The following ABCC2 variants were observed in gnomAD, a reference collection of about 807,000 sequenced individuals.
ABCC2 encodes ATP binding cassette subfamily C member 2, also known as ATP-binding cassette sub-family C member 2.
In ABCC2, 157 loss-of-function variants were observed where a neutral mutation model predicts 173.4. The observed-to-expected ratio is 0.91, with a 90% confidence interval of 0.80 to 1.03. The LOEUF (loss-of-function observed/expected upper bound fraction) is 1.03. ABCC2 is among the 50% of genes least tolerant of loss of function. The pLI is 0.00. For missense variants in ABCC2, 1,822 were observed against 1,852.3 expected, an observed-to-expected ratio of 0.98 and a Z score of 0.30; for synonymous variants, 657 against 693.5, an observed-to-expected ratio of 0.95 and a Z score of 0.83.
intron 19 of ABCC2, among the ~76,000 whole-genome samples, chr10:99,829,063 A>C (rs967731545): frequency 6.6e-6 from 1 of 152,078 alleles, no homozygotes; most frequent in African/African-American, 2.4e-5. Flanking sequence ...CACCTCAGGC[A>C]GCTGCTGTGA....
intron 11 of ABCC2, among the ~76,000 whole-genome samples, chr10:99,806,065 C>CTG: frequency 1.0e-5 from 1 of 96,282 alleles, no homozygotes; most frequent in South Asian, 4.3e-4. Flanking sequence ...ACTACAGTCT[C>CTG]TCTCTCTCTG....
intron 16 of ABCC2, among the ~76,000 whole-genome samples, chr10:99,813,999 C>G (rs1405414746): frequency 6.6e-6 from 1 of 151,592 alleles, no homozygotes; most frequent in Non-Finnish European, 1.5e-5. Context: ...AGAGCTAAAT[C>G]TTTGATGGCA....
intron 3 of ABCC2, 99 bp from the exon 4 acceptor site, chr10:99,793,452 C>T: frequency 6.4e-7 from 1 of 1,555,278 alleles, no homozygotes; most frequent in Non-Finnish European, 8.9e-7. Flanking sequence ...AGTCTCCTCC[C>T]TCAGCCCTCC....
rs17216324 is a variant in ABCC2, at chr10:99,836,237, G to A, written c.3561G>A (p.Glu1187=). 159 of 1,614,204 alleles carry A rather than the reference G, an allele frequency of 9.9e-5. 1 individual carries two copies. In the African/African-American group the frequency reaches 1.8e-3, roughly 18 times the overall value. ...AGCAGCGATTTCTGAAACACAATGA[G>A]GTGAGGATTGACACCAACCAGAAAT... ...EHQQRFLKHN[E]VRIDTNQKCV... The change falls in exon 25 of 32, where the codon GAG becomes GAA. Residue 1187 remains glutamate, a synonymous_variant. Transcript: ENST00000647814.
chr10:99,806,073 C>CTG (rs1554849150), intron 11 of ABCC2, among the ~76,000 whole-genome samples: 14 of 42,910 alleles, frequency 3.3e-4, no homozygotes, highest in African/African-American at 1.4e-3. Context: ...CTCTCTCTCT[C>CTG]TGTCTGTGTG....
intron 17 of ABCC2, 79 bp downstream of exon 17, chr10:99,817,563 CAG>C: frequency 6.9e-7 from 1 of 1,456,730 alleles, no homozygotes; most frequent in Non-Finnish European, 9.6e-7. Context: ...AAGAACTACA[CAG>C]GGGTAATCTA....
At position 99,793,634 on chromosome 10, in the gene ABCC2, G is replaced by A. The variant is rs145350474; in HGVS notation, c.417G>A (p.Ser139=). The change falls in exon 4 of 32, where the codon TCG becomes TCA. Residue 139 remains serine, a synonymous_variant. Transcript: ENST00000647814. ...TCCTGTCCCTATTCTGGATTCTCTC[G>A]ATACTCTGTGGCACTTTCCAATTTC... is the stretch of plus-strand genomic sequence containing the variant. The part of the protein sequence containing the change: ...SWFLSLFWIL[S]ILCGTFQFQT... 2.2e-5 allele frequency: 35 copies of A among 1,613,826 alleles called. No individual in the cohort carries two copies. The highest frequency in any genetic ancestry group is 2.4e-5 in the Non-Finnish European group (28 of 1,179,998).
chr10:99,822,089 C>T (rs1226580370), intron 19 of ABCC2, among the ~76,000 whole-genome samples: 5 of 152,172 alleles, frequency 3.3e-5, no homozygotes, highest in Non-Finnish European at 7.3e-5. Context: ...GGTACCCATA[C>T]GCTATCATTA....
chr10:99,804,177 G>C lies in ABCC2; in HGVS notation c.1368G>C (p.Trp456Cys). The C allele has an allele frequency of 1.2e-6, 2 of 1,614,114 alleles. No individual in the cohort carries two copies. The highest frequency in any genetic ancestry group is 1.7e-6 in the Non-Finnish European group (2 of 1,180,014). ...LQIVLSIFFL[W>C]RELGPSVLAG... Reference sequence around the variant, plus strand: ...TTGTCTTATCTATCTTCTTCCTATGGAGAGAGTTGGGACCCTCAGTCTTAG... The same window carrying C: ...TTGTCTTATCTATCTTCTTCCTATGCAGAGAGTTGGGACCCTCAGTCTTAG... The change falls in exon 10 of 32, where the codon TGG becomes TGC. Residue 456 changes from tryptophan to cysteine, a missense_variant. Coordinates refer to ENST00000647814, the MANE Select transcript of ABCC2 (RefSeq NM_000392.5).
At chr10:99,806,859 C>T (rs546117082) in intron 11 of ABCC2, among the ~76,000 whole-genome samples, 7 of 152,308 alleles carry the variant, frequency 4.6e-5, no homozygotes, top group African/African-American at 1.7e-4. Context: ...AACAGAGCCC[C>T]CTTTTAACTC....
intron 2 of ABCC2, among the ~76,000 whole-genome samples, chr10:99,791,832 A>G (rs2037815773): frequency 1.3e-5 from 2 of 152,180 alleles, no homozygotes. Flanking sequence ...GGAGACAGAG[A>G]ACAAGGAGAA....
intron 30 of ABCC2, 112 bp from the exon 31 acceptor site, chr10:99,850,490 T>G: frequency 2.8e-6 from 3 of 1,063,890 alleles, no homozygotes; most frequent in Non-Finnish European, 4.2e-6. Context: ...TCCAGGGGAA[T>G]TTTGGAGGGG....
Position 99,793,704 on chromosome 10 carries a change from G to T in ABCC2, c.468+19G>T. ...CTTACAGGTAAGGAAAAAAAGAGTG[G>T]ATGACATGAGGAGGTACCATGGGGC... On this transcript the variant is annotated intron_variant, in intron 4 of 31. Coordinates refer to ENST00000647814, the MANE Select transcript of ABCC2 (RefSeq NM_000392.5). 3 of 1,614,060 alleles carry T rather than the reference G, an allele frequency of 1.9e-6. No homozygotes were observed. The highest frequency in any genetic ancestry group is 2.7e-5 in the African/African-American group (2 of 75,020).
intron 19 of ABCC2, among the ~76,000 whole-genome samples, chr10:99,826,506 C>T (rs1221510790): frequency 8.6e-5 from 13 of 151,902 alleles, no homozygotes; most frequent in Admixed American, 8.5e-4. Flanking sequence ...AAATGAGGGG[C>T]AGGCGCTTCC....
At chr10:99,819,830 T>C (rs2038501720) in intron 19 of ABCC2, among the ~76,000 whole-genome samples, 1 of 152,178 alleles carries the variant, frequency 6.6e-6, no homozygotes, top group South Asian at 2.1e-4. Context: ...GCCTCTAATA[T>C]CACCACCATT....
chr10:99,843,718 C>A, intron 26 of ABCC2, 81 bp from the exon 27 acceptor site: 2 of 1,150,984 alleles, frequency 1.7e-6, no homozygotes, highest in African/African-American at 1.5e-5. Context: ...ACAAAGTCGG[C>A]ACTGGATTGT....
At chr10:99,830,942 A>T in intron 21 of ABCC2, 91 bp downstream of exon 21, 1 of 1,430,786 alleles carries the variant, frequency 7.0e-7, no homozygotes. Context: ...ACGCATACTT[A>T]CAGGAGCAAT....
rs2133048044 is a variant in ABCC2 at position 99,812,902 on chromosome 10, AAT to A, written c.1968-115_1968-114del. 4.2e-6 allele frequency: 6 copies of A among 1,425,352 alleles called. No homozygotes were observed. The East Asian group carries it at 1.2e-4, about 27-fold the overall frequency. The allele number at this position is 1,425,352 out of a possible 1,614,324, so 88.3% of individuals were successfully genotyped here. On this transcript the variant is annotated intron_variant, in intron 15 of 31. Transcript: ENST00000647814. ...CTTGTATATCCAAGGCAAATTTTCC[AAT>A]CTTGAGGGGAAATCTCCTGATACCA...
intron 16 of ABCC2, among the ~76,000 whole-genome samples, chr10:99,814,134 T>TATATATACACACATATGTGTGC (rs1564683121): frequency 2.4e-5 from 2 of 82,568 alleles, no homozygotes; most frequent in African/African-American, 1.2e-4. Context: ...CATATGTGTG[T>TATATATACACACATATGTGTGC]ATATATACAC....
Sources: allele counts gnomAD v4.1 joint callset (sites outside exome capture counted in the v4.1 genomes callset), GRCh38; gene constraint gnomAD v4.1.1; transcripts MANE v1.5; gene names NCBI Gene and HGNC (gene_info 2026-07-23, HGNC 2026-07-21).